The following ARHGAP24 variants were observed in gnomAD, a reference collection of about 807,000 sequenced individuals.
ARHGAP24 encodes rho GTPase-activating protein 24.
A neutral mutation model predicts 76.4 loss-of-function variants in ARHGAP24; 50 were observed. That is an observed-to-expected ratio of 0.65 (90% CI 0.52 to 0.83). The LOEUF is 0.83. ARHGAP24 is among the 40% of genes least tolerant of loss of function. ARHGAP24 has a pLI of 0.00. For missense variants in ARHGAP24, 930 were observed against 914.2 expected (o/e 1.02, Z -0.22); for synonymous variants, 345 against 323.3 (o/e 1.07, Z -0.72).
chr4:85,852,856 AG>A (rs1429440782), intron 3 of ARHGAP24, among the ~76,000 whole-genome samples: 2 of 152,256 alleles, frequency 1.3e-5, no homozygotes, highest in Admixed American at 1.3e-4. Context: ...ATCGTCCCAG[AG>A]GGGCATACGG....
chr4:85,868,520 CA>C (rs924039603), intron 3 of ARHGAP24, among the ~76,000 whole-genome samples: 6 of 152,020 alleles, frequency 3.9e-5, no homozygotes, highest in African/African-American at 1.4e-4. Context: ...AGTAATGAAA[CA>C]AAGTATTGGC....
At position 85,921,402 on chromosome 4, in the gene ARHGAP24, G is replaced by T. The variant is rs549103570; in HGVS notation, c.269-2246G>T. Among the ~76,000 whole-genome samples the T allele has an allele frequency of 8.7e-4, 133 of 152,278 alleles. 2 individuals carry two copies. The highest frequency in any genetic ancestry group is 8.6e-3 in the Admixed American group (132 of 15,290). On this transcript the variant is annotated intron_variant, in intron 3 of 9. Transcript: ENST00000395184. ...GCCTATCAAAGGGTGGAAGGTGGAA[G>T]GAGGGAGAAAATCAGGAAAAATAAT...
At chr4:85,663,012 G>C (rs1376548383) in intron 2 of ARHGAP24, among the ~76,000 whole-genome samples, 2 of 151,880 alleles carry the variant, frequency 1.3e-5, no homozygotes, top group Admixed American at 1.3e-4. Context: ...CTCTTTTTTG[G>C]TTCCATATGA....
At position 85,683,117 on chromosome 4, in the gene ARHGAP24, T is replaced by C. The variant is rs796179522; in HGVS notation, c.181-38768T>C. Among the ~76,000 whole-genome samples, 52 of 56,978 alleles carry C rather than the reference T, an allele frequency of 9.1e-4. 2 individuals are homozygous for C. Among genetic ancestry groups the C allele is most frequent in the African/African-American group, 2.5e-3 (46 of 18,456 alleles). 37.4% of individuals were successfully genotyped at this position (56,978 alleles called of 152,430 possible). ...TTAACTCTCTCAGTGTGTGGGGGGG[T>C]GGGGGGGGGGTGCGGGGGCTGTAAA... is the stretch of plus-strand genomic sequence containing the variant. On this transcript the variant is annotated intron_variant, in intron 2 of 9. Transcript: ENST00000395184.
intron 1 of ARHGAP24, among the ~76,000 whole-genome samples, chr4:85,481,178 A>G (rs539711385): frequency 6.6e-6 from 1 of 152,334 alleles, no homozygotes; most frequent in Admixed American, 6.5e-5. Context: ...TAGTAATTCT[A>G]GATGTAATCT....
At chr4:85,870,609 G>C (rs535626095) in intron 3 of ARHGAP24, among the ~76,000 whole-genome samples, 1 of 152,110 alleles carries the variant, frequency 6.6e-6, no homozygotes, top group Non-Finnish European at 1.5e-5. Context: ...TCTGTTTGGG[G>C]TGATACGAAC....
At chr4:85,998,185 CAGT>C (rs1740794158) in intron 9 of ARHGAP24, among the ~76,000 whole-genome samples, 1 of 152,116 alleles carries the variant, frequency 6.6e-6, no homozygotes, top group African/African-American at 2.4e-5. Context: ...AATTTCCTAT[CAGT>C]ATTCTGAGTT....
Position 85,624,955 on chromosome 4 carries a change from T to G in ARHGAP24, c.180+54234T>G, listed in dbSNP as rs577182431. On this transcript the variant is annotated intron_variant, in intron 2 of 9. Coordinates refer to ENST00000395184, the MANE Select transcript of ARHGAP24 (RefSeq NM_001025616.3). The stretch of plus-strand genomic sequence containing the variant: ...ATTTTTTATTGTGTCTATTTGATTC[T>G]TCTCTCTTTTCTTCTTTATTAGTCT... 9.2e-5 allele frequency among the ~76,000 whole-genome samples: 14 copies of G among 152,312 alleles called. No individual in the cohort carries two copies. The South Asian group carries it at 2.9e-3, about 32-fold the overall frequency.
At chr4:85,999,084 A>G (rs1188245512) in intron 9 of ARHGAP24, among the ~76,000 whole-genome samples, 1 of 152,204 alleles carries the variant, frequency 6.6e-6, no homozygotes, top group African/African-American at 2.4e-5. Context: ...TTCTGTATTC[A>G]ACTTAGTCCT....
intron 1 of ARHGAP24, among the ~76,000 whole-genome samples, chr4:85,481,451 G>A (rs1357190597): frequency 1.3e-5 from 2 of 152,096 alleles, no homozygotes; most frequent in Admixed American, 6.5e-5. Context: ...AACTGGCCTT[G>A]GAGCTCTCTT....
chr4:85,797,227 C>T lies in ARHGAP24; in HGVS notation c.268+75255C>T, dbSNP rs576499004. On this transcript the variant is annotated intron_variant, in intron 3 of 9. Transcript: ENST00000395184. The stretch of plus-strand genomic sequence containing the variant: ...TTGCTCTGTTGCCCAGGCTGGAGTG[C>T]AGTGGCGCAATCTCGGCTCACTGCA... Among the ~76,000 whole-genome samples the T allele has an allele frequency of 5.9e-5, 9 of 151,958 alleles. No homozygotes were observed. In the East Asian group the frequency reaches 1.7e-3, roughly 29 times the overall value.
intron 3 of ARHGAP24, among the ~76,000 whole-genome samples, chr4:85,776,799 CTA>C (rs914192095): frequency 2.0e-5 from 3 of 152,286 alleles, no homozygotes; most frequent in African/African-American, 7.2e-5. Flanking sequence ...ATGTAAAACT[CTA>C]TGTCTCCTCA....
At chr4:85,779,585 A>C (rs1051153563) in intron 3 of ARHGAP24, among the ~76,000 whole-genome samples, 4 of 152,188 alleles carry the variant, frequency 2.6e-5, no homozygotes, top group Non-Finnish European at 1.5e-5. Context: ...ATTTTTTAAA[A>C]AAATTCTAAT....
Position 85,901,284 on chromosome 4 carries a change from G to A in ARHGAP24, c.269-22364G>A, listed in dbSNP as rs374509006. ...AGACCTGCCTTCATTTTAACTTGCT[G>A]TAACTCCCTTATATTAAAGGAGAAG... On this transcript the variant is annotated intron_variant, in intron 3 of 9. Transcript: ENST00000395184. 4.6e-5 allele frequency among the ~76,000 whole-genome samples: 7 copies of A among 152,168 alleles called. No homozygotes were observed. In the East Asian group the frequency reaches 1.4e-3, roughly 29 times the overall value.
chr4:85,880,251 G>A (rs1377914942), intron 3 of ARHGAP24, among the ~76,000 whole-genome samples: 1 of 152,144 alleles, frequency 6.6e-6, no homozygotes, highest in East Asian at 1.9e-4. Flanking sequence ...CTCTTATGAT[G>A]TAAGATGATA....
rs575727669 is a variant in ARHGAP24 at position 85,646,379 on chromosome 4, A to G, written c.181-75506A>G. Among the ~76,000 whole-genome samples the G allele has an allele frequency of 4.6e-5, 7 of 152,138 alleles. No homozygotes were observed. In the South Asian group the frequency reaches 1.4e-3, roughly 32 times the overall value. On this transcript the variant is annotated intron_variant, in intron 2 of 9. Coordinates refer to ENST00000395184, the MANE Select transcript of ARHGAP24 (RefSeq NM_001025616.3). ...AAAAAGGTGTTAAATGTAATGTGGT[A>G]TTACTCTTTGGTTTTCAAATAGAAA...
intron 8 of ARHGAP24, 29 bp downstream of exon 8, chr4:85,977,720 T>C: frequency 6.2e-7 from 1 of 1,610,702 alleles, no homozygotes; most frequent in Non-Finnish European, 8.5e-7. Context: ...TATACCCTTA[T>C]CAAAAGAAGA....
chr4:85,577,292 T>C (rs981252586), intron 2 of ARHGAP24, among the ~76,000 whole-genome samples: 1 of 151,544 alleles, frequency 6.6e-6, no homozygotes, highest in African/African-American at 2.4e-5. Flanking sequence ...GCAGCTCAGG[T>C]GAAAGTCCAA....
At chr4:85,669,535 T>C (rs968485902) in intron 2 of ARHGAP24, among the ~76,000 whole-genome samples, 1 of 151,366 alleles carries the variant, frequency 6.6e-6, no homozygotes, top group African/African-American at 2.4e-5. Flanking sequence ...TATGTTTGTA[T>C]GTAGGTATGT....
Sources: allele counts gnomAD v4.1 joint callset (sites outside exome capture counted in the v4.1 genomes callset), GRCh38; gene constraint gnomAD v4.1.1; transcripts MANE v1.5; gene names NCBI Gene and HGNC (gene_info 2026-07-23, HGNC 2026-07-21).